Variants in HK1 observed in about 807,000 individuals in gnomAD.
HK1 encodes hexokinase 1, also known as hexokinase-1.
HK1 carries 28 observed loss-of-function variants against 91.6 expected under a neutral mutation model. That is an observed-to-expected ratio of 0.31 (90% confidence interval 0.23 to 0.42). HK1 has a LOEUF of 0.42. Among genes scored for constraint, HK1 ranks in the 10% least tolerant of loss-of-function variants. The pLI, the probability that HK1 is intolerant of heterozygous loss-of-function variation, is 1.00. For missense variants in HK1, 770 were observed against 1,219.8 expected (o/e 0.63, Z 5.49); for synonymous variants, 430 against 468.1 (o/e 0.92, Z 1.05).
At chr10:69,396,830 C>T (rs1017394809) in intron 16 of HK1, among the ~76,000 whole-genome samples, 4 of 151,972 alleles carry the variant, frequency 2.6e-5, no homozygotes, top group Admixed American at 2.0e-4. Context: ...TACAGGCGTG[C>T]GTCACCATGC....
chr10:69,308,963 G>A (rs1846230412), intron 5 of HK1, among the ~76,000 whole-genome samples: 1 of 152,080 alleles, frequency 6.6e-6, no homozygotes, highest in Non-Finnish European at 1.5e-5. Context: ...CAGACCAGTT[G>A]GGGACCCTAC....
At position 69,386,674 on chromosome 10, in the gene HK1, C is replaced by T. The variant is rs143342683; in HGVS notation, c.1935+256C>T. 903 of 368,530 alleles carry T rather than the reference C, an allele frequency of 2.5e-3. 3 individuals carry two copies. In the Middle Eastern group the frequency reaches 0.026, roughly 10 times the overall value. 22.8% of individuals were successfully genotyped at this position (368,530 alleles called of 1,614,324 possible). ...GTGCGCACCTGTAGTCCCAGCTACTCGGGAGACTGAGGCAGAAGAATCGCT... is the reference window on the plus strand; with the variant it reads ...GTGCGCACCTGTAGTCCCAGCTACTTGGGAGACTGAGGCAGAAGAATCGCT... On this transcript the variant is annotated intron_variant, in intron 13 of 17. Coordinates refer to ENST00000359426, the MANE Select transcript of HK1 (RefSeq NM_000188.3).
At chr10:69,386,152 T>C (rs538912294) in intron 12 of HK1, among the ~76,000 whole-genome samples, 171 bp from the exon 13 acceptor site, 3 of 152,304 alleles carry the variant, frequency 2.0e-5, no homozygotes, top group South Asian at 4.1e-4. Context: ...CCTATGAGGA[T>C]GGTGAGGAGG....
chr10:69,286,123 A>G (rs1845019845), intron 2 of HK1, among the ~76,000 whole-genome samples: 1 of 152,174 alleles, frequency 6.6e-6, no homozygotes, highest in Non-Finnish European at 1.5e-5. Context: ...AGGAAGGCAA[A>G]AATGTGTGTG....
At position 69,329,169 on chromosome 10, in the gene HK1, C is replaced by CT. The variant is rs1554814167; in HGVS notation, c.63+10171dup. On this transcript the variant is annotated intron_variant, in intron 1 of 17. Coordinates refer to ENST00000359426, the MANE Select transcript of HK1 (RefSeq NM_000188.3). ...AGACATGCTTTCTTTCTTTCTTCTT[C>CT]TTTTTTTTTTTTCAGATGGAGTCTT... Among the ~76,000 whole-genome samples, 846 of 144,244 alleles carry CT rather than the reference C, an allele frequency of 5.9e-3. 5 individuals are homozygous for CT. The highest frequency in any genetic ancestry group is 0.029 in the Middle Eastern group (8 of 276). The allele number at this position is 144,244 out of a possible 152,430, so 94.6% of individuals were successfully genotyped here.
At chr10:69,297,621 G>A (rs1203371470) in intron 4 of HK1, among the ~76,000 whole-genome samples, 2 of 148,640 alleles carry the variant, frequency 1.3e-5, no homozygotes, top group Non-Finnish European at 2.9e-5. Context: ...GAGGCCGGAT[G>A]TGGTGGCTTA....
Position 69,384,946 on chromosome 10 carries a change from G to A in HK1, c.1839+31G>A, listed in dbSNP as rs749105. The stretch of plus-strand genomic sequence containing the variant: ...TCTCTGTTCTTAGGGCTCAGTGATC[G>A]GGCAGCACTGAGTCCCCTGTGGCCT... On this transcript the variant is annotated intron_variant, in intron 12 of 17. Transcript: ENST00000359426. 1,102,085 of 1,612,994 alleles carry A rather than the reference G, an allele frequency of 0.68. 379,308 individuals are homozygous for A. The highest frequency in any genetic ancestry group is 0.8 in the African/African-American group (59,586 of 74,932).
intron 13 of HK1, among the ~76,000 whole-genome samples, chr10:69,387,794 G>T (rs896280224): frequency 4.0e-5 from 6 of 151,896 alleles, no homozygotes; most frequent in Admixed American, 6.6e-5. Context: ...GGAGGACATT[G>T]AAAAAATATA....
At chr10:69,379,541 A>C (rs1839281499) in intron 8 of HK1, among the ~76,000 whole-genome samples, 1 of 152,218 alleles carries the variant, frequency 6.6e-6, no homozygotes, top group Non-Finnish European at 1.5e-5. Flanking sequence ...GGTTCTCCTG[A>C]GCCTCATGAG....
At position 69,285,462 on chromosome 10, in the gene HK1, G is replaced by A. The variant is rs116702683; in HGVS notation, c.-215+2758G>A. 2.6e-3 allele frequency among the ~76,000 whole-genome samples: 390 copies of A among 152,178 alleles called. 1 individual carries two copies. The highest frequency in any genetic ancestry group is 8.9e-3 in the African/African-American group (371 of 41,522). On this transcript the variant is annotated intron_variant, in intron 2 of 21. Coordinates refer to the HK1 transcript ENST00000360289. ...AAAACAAACAAACAAACAAAAAACAGAAAGGAATCCAGCTATTAGCAAAAT... is the reference window on the plus strand; with the variant it reads ...AAAACAAACAAACAAACAAAAAACAAAAAGGAATCCAGCTATTAGCAAAAT...
At chr10:69,396,976 C>A (rs1400122421) in intron 16 of HK1, among the ~76,000 whole-genome samples, 1 of 152,198 alleles carries the variant, frequency 6.6e-6, no homozygotes, top group East Asian at 1.9e-4. Context: ...TGAGCCACCA[C>A]GCCCGGCCAT....
At chr10:69,317,896 G>C (rs575836976), upstream of HK1, 50 of 220,092 alleles carry the variant, frequency 2.3e-4, no homozygotes, top group African/African-American at 1.1e-3. Flanking sequence ...TCCTAAAGTG[G>C]CTGTCCTGGT....
intron 16 of HK1, 138 bp downstream of exon 16, chr10:69,395,243 C>G: frequency 1.4e-6 from 1 of 731,032 alleles, no homozygotes. Context: ...AATAGCAGAC[C>G]CTGGGCATTT....
At position 69,286,737 on chromosome 10, in the gene HK1, G is replaced by A. The variant is rs1845050279; in HGVS notation, c.-214-1934G>A. Among the ~76,000 whole-genome samples, 9 of 136,320 alleles carry A rather than the reference G, an allele frequency of 6.6e-5. No individual in the cohort carries two copies. The South Asian group carries it at 2.4e-3, about 37-fold the overall frequency. The allele number at this position is 136,320 out of a possible 152,430, so 89.4% of individuals were successfully genotyped here. A position where few individuals can be genotyped will look rare whatever the true frequency, so the allele number is the denominator to read the frequency against. The stretch of plus-strand genomic sequence containing the variant: ...CTAATTTTTTGTATTTAGTAGAGAG[G>A]GGGTTTCACCTCGTTGGTCAGGCTG... On this transcript the variant is annotated intron_variant, in intron 2 of 21. Coordinates refer to the HK1 transcript ENST00000360289.
intron 1 of HK1, among the ~76,000 whole-genome samples, chr10:69,320,425 A>C (rs912941349): frequency 6.6e-6 from 1 of 152,144 alleles, no homozygotes; most frequent in East Asian, 1.9e-4. Context: ...GGGGTTGTCA[A>C]ACCGTGGCAC....
chr10:69,334,738 A>G (rs1241940176), intron 1 of HK1, among the ~76,000 whole-genome samples: 1 of 152,068 alleles, frequency 6.6e-6, no homozygotes, highest in East Asian at 1.9e-4. Flanking sequence ...TACCCCTGGC[A>G]CTCACGGTCT....
intron 1 of HK1, among the ~76,000 whole-genome samples, chr10:69,321,213 G>A (rs1188795063): frequency 6.6e-6 from 1 of 152,204 alleles, no homozygotes; most frequent in African/African-American, 2.4e-5. Context: ...GCCATCTGTG[G>A]GTGTGGTCCT....
chr10:69,313,716 C>T (rs895684294), upstream of HK1, among the ~76,000 whole-genome samples: 1 of 151,964 alleles, frequency 6.6e-6, no homozygotes, highest in East Asian at 1.9e-4. Flanking sequence ...AGTCTGGTCT[C>T]GAACTCCCGA....
At chr10:69,339,157 A>G (rs1848169975) in intron 1 of HK1, among the ~76,000 whole-genome samples, 1 of 152,016 alleles carries the variant, frequency 6.6e-6, no homozygotes, top group South Asian at 2.1e-4. Context: ...GTCTCTAGTC[A>G]TGTGCTTTTC....
Sources: gnomAD v4.1 joint callset for allele counts (sites outside exome capture counted in the v4.1 genomes callset) on GRCh38, gnomAD v4.1.1 for gene constraint, MANE v1.5 for transcripts, NCBI Gene and HGNC (gene_info 2026-07-23, HGNC 2026-07-21) for gene names.